The following ZC3H12B variants were observed in gnomAD, a reference collection of about 807,000 sequenced individuals.
ZC3H12B encodes the protein probable ribonuclease ZC3H12B.
ZC3H12B carries 7 observed loss-of-function variants against 43.9 expected under a neutral mutation model. That is an observed-to-expected ratio of 0.16 (90% confidence interval 0.09 to 0.30). The LOEUF (loss-of-function observed/expected upper bound fraction) is 0.30. Ranked by LOEUF, ZC3H12B falls within the 10% of genes least tolerant of loss-of-function variation. The probability of loss-of-function intolerance (pLI) is 1.00; values close to 1 mark genes in which losing one functional copy is unlikely to be tolerated. For synonymous variants in ZC3H12B, 222 were observed against 241.7 expected (o/e 0.92, Z 0.76); for missense variants, 475 against 670.2 (o/e 0.71, Z 3.22).
At chrX:65,426,251 T>G (rs1264588973) in intron 3 of ZC3H12B, among the ~76,000 whole-genome samples, 2 of 109,384 alleles carry the variant, frequency 1.8e-5, no homozygotes, top group Non-Finnish European at 3.8e-5. Flanking sequence ...TACCTAGAGG[T>G]GTTTATAGCA....
chrX:65,044,470 G>A, the ZC3H12B span, among the ~76,000 whole-genome samples: 2 of 111,450 alleles, frequency 1.8e-5, no homozygotes, highest in African/African-American at 6.5e-5. Context: ...TGATGGGAAG[G>A]CATTGAAAAA....
the ZC3H12B span, among the ~76,000 whole-genome samples, chrX:65,310,576 G>A: frequency 8.9e-6 from 1 of 111,868 alleles, no homozygotes. Flanking sequence ...ACTGCCCAAG[G>A]TGATTTATAG....
the ZC3H12B span, among the ~76,000 whole-genome samples, chrX:65,231,843 CAT>C: frequency 1.5e-4 from 17 of 111,721 alleles, no homozygotes; most frequent in African/African-American, 2.3e-4. Context: ...TTCGAACACA[CAT>C]GTTTTACAAA....
chrX:65,191,027 A>C, the ZC3H12B span, among the ~76,000 whole-genome samples: 27 of 86,356 alleles, frequency 3.1e-4, no homozygotes, highest in Non-Finnish European at 5.1e-4. Flanking sequence ...GAATTTTGTC[A>C]AAGGCTTTTT....
At position 65,460,179 on chromosome X, in the gene ZC3H12B, C is replaced by A. The variant is rs1191060083; in HGVS notation, n.408-28467C>A. Among the ~76,000 whole-genome samples, 3 of 111,537 alleles carry A rather than the reference C, an allele frequency of 2.7e-5. No homozygotes were observed. In the Admixed American group the frequency reaches 2.9e-4, roughly 11 times the overall value. On this transcript the variant is annotated intron_variant and non_coding_transcript_variant, in intron 3 of 5. Coordinates refer to the ZC3H12B transcript ENST00000617377. ...ATGTGAAGGACCTCTTCAAGGAGAA[C>A]TATAAATCACTGCTCAACAAAATAA...
the ZC3H12B span, among the ~76,000 whole-genome samples, chrX:65,145,240 CTT>C: frequency 1.1e-3 from 106 of 98,548 alleles, no homozygotes; most frequent in African/African-American, 3.5e-3. Flanking sequence ...TCTTCGTTTT[CTT>C]TTTTTTTTTT....
At chrX:65,204,210 C>G in the ZC3H12B span, among the ~76,000 whole-genome samples, 1 of 112,047 alleles carries the variant, frequency 8.9e-6, no homozygotes, top group Non-Finnish European at 1.9e-5. Flanking sequence ...ATTTATTCAT[C>G]TGATTTTTGG....
At chrX:65,360,268 A>G in the ZC3H12B span, among the ~76,000 whole-genome samples, 2 of 112,546 alleles carry the variant, frequency 1.8e-5, no homozygotes, top group Non-Finnish European at 3.8e-5. Context: ...GGAACTGAAT[A>G]TGCAATATTT....
the ZC3H12B span, among the ~76,000 whole-genome samples, chrX:65,123,740 T>C: frequency 9.3e-6 from 1 of 108,004 alleles, no homozygotes; most frequent in Non-Finnish European, 1.9e-5. Context: ...TTTTTTTTTT[T>C]TTTTTGCAAC....
chrX:65,152,016 T>G, the ZC3H12B span, among the ~76,000 whole-genome samples: 27 of 111,642 alleles, frequency 2.4e-4, no homozygotes, highest in Non-Finnish European at 5.1e-4. Context: ...AAAAGGCCTT[T>G]GACAAAATTC....
chrX:65,254,682 A>G, the ZC3H12B span, among the ~76,000 whole-genome samples: 1 of 112,345 alleles, frequency 8.9e-6, no homozygotes, highest in Non-Finnish European at 1.9e-5. Flanking sequence ...AATGCACAAG[A>G]TGCTGAGCAA....
At chrX:65,159,705 C>T in the ZC3H12B span, among the ~76,000 whole-genome samples, 1 of 111,674 alleles carries the variant, frequency 9.0e-6, no homozygotes, top group Non-Finnish European at 1.9e-5. Flanking sequence ...ATGTCATCTG[C>T]AAAAAGGGAC....
the ZC3H12B span, among the ~76,000 whole-genome samples, chrX:65,231,180 T>A: frequency 9.1e-6 from 1 of 110,346 alleles, no homozygotes. Context: ...ACCAGCAAGT[T>A]TTTATTAGGG....
chrX:65,168,771 G>A, the ZC3H12B span, among the ~76,000 whole-genome samples: 42 of 111,398 alleles, frequency 3.8e-4, no homozygotes, highest in Non-Finnish European at 7.2e-4. Flanking sequence ...AGTCTTTGGA[G>A]GGTGTGTGTG....
chrX:65,134,151 G>T, the ZC3H12B span, among the ~76,000 whole-genome samples: 51 of 110,815 alleles, frequency 4.6e-4, 1 homozygote, highest in African/African-American at 1.4e-3. Context: ...TGCCCATAGT[G>T]AAGGAGGCAA....
chrX:65,264,450 T>A, the ZC3H12B span, among the ~76,000 whole-genome samples: 1 of 112,340 alleles, frequency 8.9e-6, no homozygotes, highest in African/African-American at 3.2e-5. Flanking sequence ...ATTTATGTAC[T>A]CAGTTTGTTA....
At chrX:65,174,216 G>T in the ZC3H12B span, among the ~76,000 whole-genome samples, 9 of 112,174 alleles carry the variant, frequency 8.0e-5, no homozygotes, top group East Asian at 2.6e-3. Flanking sequence ...GGGGGCACAG[G>T]ATCAGGGATG....
At chrX:65,320,643 A>G in the ZC3H12B span, among the ~76,000 whole-genome samples, 2 of 112,547 alleles carry the variant, frequency 1.8e-5, no homozygotes, top group East Asian at 2.8e-4. Flanking sequence ...CCTGTCTTCA[A>G]GCTATACTAC....
chrX:65,286,366 G>T, the ZC3H12B span, among the ~76,000 whole-genome samples: 1 of 111,528 alleles, frequency 9.0e-6, no homozygotes, highest in Non-Finnish European at 1.9e-5. Context: ...TAAACATTGG[G>T]TACACATAAA....
Sources: allele counts gnomAD v4.1 joint callset (sites outside exome capture counted in the v4.1 genomes callset), GRCh38; gene constraint gnomAD v4.1.1; transcripts MANE v1.5; gene names NCBI Gene and HGNC (gene_info 2026-07-23, HGNC 2026-07-21).